Variants in FTO observed in about 807,000 individuals in gnomAD.
FTO encodes FTO alpha-ketoglutarate dependent dioxygenase.
FTO carries 47 observed loss-of-function variants against 63.9 expected under a neutral mutation model. The observed-to-expected ratio is 0.74, with a 90% CI of 0.58 to 0.94. The LOEUF is 0.94. Among genes scored for constraint, FTO ranks in the 40% least tolerant of loss-of-function variants. The probability of loss-of-function intolerance (pLI) is 0.00; values close to 1 mark genes in which losing one functional copy is unlikely to be tolerated. For synonymous variants in FTO, 207 were observed against 224.4 expected (o/e 0.92, Z 0.69); for missense variants, 562 against 618.1 (o/e 0.91, Z 0.96).
intron 1 of FTO, among the ~76,000 whole-genome samples, chr16:53,749,691 G>T (rs2076737748): frequency 6.6e-6 from 1 of 151,782 alleles, no homozygotes; most frequent in African/African-American, 2.4e-5. Flanking sequence ...CGCCCGCCTC[G>T]GCCTCCCAAA....
At chr16:54,091,125 T>G (rs540184015) in intron 8 of FTO, among the ~76,000 whole-genome samples, 45 of 152,222 alleles carry the variant, frequency 3.0e-4, no homozygotes, top group Non-Finnish European at 5.9e-4. Flanking sequence ...GGAGGTGTGG[T>G]CCGTTGGAGG....
chr16:53,766,569 G>A (rs865878406), intron 1 of FTO, among the ~76,000 whole-genome samples: 1 of 152,094 alleles, frequency 6.6e-6, no homozygotes, highest in African/African-American at 2.4e-5. Flanking sequence ...AACTGAGGAC[G>A]AAGCAGGTCT....
chr16:53,982,066 C>G (rs1473207348), intron 8 of FTO, among the ~76,000 whole-genome samples: 1 of 151,402 alleles, frequency 6.6e-6, no homozygotes, highest in Non-Finnish European at 1.5e-5. Context: ...GGCGACAGAG[C>G]GAGACTCTGT....
intron 1 of FTO, among the ~76,000 whole-genome samples, chr16:53,749,583 C>T (rs1237662757): frequency 1.3e-5 from 2 of 151,866 alleles, no homozygotes; most frequent in African/African-American, 2.4e-5. Flanking sequence ...GGACTACAGG[C>T]GCCCGCCATC....
chr16:53,781,108 C>T lies in FTO; in HGVS notation c.46-29032C>T, dbSNP rs577983856. ...AGAACAGTGCTTAGCACATAGTAGG[C>T]ATTCACTAAATCTTTGCTGATTATT... is the stretch of plus-strand genomic sequence containing the variant. On this transcript the variant is annotated intron_variant, in intron 1 of 8. Coordinates refer to ENST00000471389, the MANE Select transcript of FTO (RefSeq NM_001080432.3). Among the ~76,000 whole-genome samples, 138 of 152,286 alleles carry T rather than the reference C, an allele frequency of 9.1e-4. 1 individual carries two copies. Among genetic ancestry groups the T allele is most frequent in the African/African-American group, 3.1e-3 (128 of 41,548 alleles).
At chr16:53,988,946 T>C (rs565348794) in intron 8 of FTO, among the ~76,000 whole-genome samples, 1 of 149,654 alleles carries the variant, frequency 6.7e-6, no homozygotes, top group Non-Finnish European at 1.5e-5. Context: ...TTTATCCCAA[T>C]TCAGAAAACC....
chr16:53,896,162 T>A (rs559131350), intron 7 of FTO, among the ~76,000 whole-genome samples: 33 of 152,350 alleles, frequency 2.2e-4, no homozygotes, highest in Non-Finnish European at 4.0e-4. Context: ...CCTTGGCTGC[T>A]AGAATTCATT....
At chr16:53,820,516 A>C (rs186007057) in intron 2 of FTO, among the ~76,000 whole-genome samples, 253 of 151,816 alleles carry the variant, frequency 1.7e-3, no homozygotes, top group African/African-American at 5.8e-3. Context: ...TTTAGGGTAC[A>C]TGTGCACATT....
chr16:53,721,776 C>T (rs1003934985), intron 1 of FTO, among the ~76,000 whole-genome samples: 4 of 152,280 alleles, frequency 2.6e-5, no homozygotes, highest in Middle Eastern at 3.4e-3. Context: ...AAGGATTTCA[C>T]AAACCACTGA....
At chr16:53,791,642 A>C (rs926194035) in intron 1 of FTO, among the ~76,000 whole-genome samples, 3 of 152,216 alleles carry the variant, frequency 2.0e-5, no homozygotes, top group Non-Finnish European at 2.9e-5. Context: ...ACAATCCAGC[A>C]ATGGTAATTT....
intron 7 of FTO, among the ~76,000 whole-genome samples, chr16:53,910,812 A>G (rs1217782392): frequency 1.3e-5 from 2 of 152,222 alleles, no homozygotes; most frequent in Admixed American, 1.3e-4. Context: ...CTGGGATTAC[A>G]GGTGTGAGCC....
At chr16:53,785,075 A>G (rs555851488) in intron 1 of FTO, among the ~76,000 whole-genome samples, 2 of 152,324 alleles carry the variant, frequency 1.3e-5, no homozygotes, top group East Asian at 3.9e-4. Context: ...TTATATATTA[A>G]TAATATATAT....
chr16:54,048,165 C>A (rs1239720220), intron 8 of FTO, among the ~76,000 whole-genome samples: 18 of 67,282 alleles, frequency 2.7e-4, no homozygotes, highest in African/African-American at 3.7e-4. Context: ...GTCAACAAGA[C>A]AAGGTCTAAT....
chr16:53,750,404 A>T (rs879528628), intron 1 of FTO, among the ~76,000 whole-genome samples: 1 of 151,846 alleles, frequency 6.6e-6, no homozygotes, highest in Non-Finnish European at 1.5e-5. Flanking sequence ...CACCTGGCGA[A>T]TTTTTTGTAT....
At chr16:53,717,078 A>G (rs950319695) in intron 1 of FTO, among the ~76,000 whole-genome samples, 1 of 151,598 alleles carries the variant, frequency 6.6e-6, no homozygotes, top group Non-Finnish European at 1.5e-5. Flanking sequence ...TTTCCATCCT[A>G]TCATAGGTTA....
intron 8 of FTO, among the ~76,000 whole-genome samples, chr16:53,979,760 A>G (rs1234280194): frequency 6.6e-6 from 1 of 152,234 alleles, no homozygotes; most frequent in African/African-American, 2.4e-5. Flanking sequence ...TACATCTCAC[A>G]TGACTTTACT....
At chr16:54,048,943 A>G (rs947774420) in intron 8 of FTO, among the ~76,000 whole-genome samples, 4 of 152,230 alleles carry the variant, frequency 2.6e-5, no homozygotes, top group African/African-American at 9.6e-5. Context: ...GACAAACTAC[A>G]CGGTTGAAGG....
intron 1 of FTO, among the ~76,000 whole-genome samples, chr16:53,758,884 T>C (rs899635334): frequency 6.7e-6 from 1 of 149,970 alleles, no homozygotes; most frequent in Non-Finnish European, 1.5e-5. Flanking sequence ...TGTATTGTTA[T>C]ACATTTTTAA....
chr16:53,965,159 C>T (rs992210706), intron 8 of FTO, among the ~76,000 whole-genome samples: 3 of 151,962 alleles, frequency 2.0e-5, no homozygotes, highest in Non-Finnish European at 2.9e-5. Context: ...CTGCAACCTC[C>T]GCCTCCTGGG....
Sources: gnomAD v4.1 joint callset for allele counts (sites outside exome capture counted in the v4.1 genomes callset) on GRCh38, gnomAD v4.1.1 for gene constraint, MANE v1.5 for transcripts, NCBI Gene and HGNC (gene_info 2026-07-23, HGNC 2026-07-21) for gene names.